The following ERCC6L2 variants were observed in gnomAD, a reference collection of about 807,000 sequenced individuals.
The protein encoded by ERCC6L2 is ERCC excision repair 6 like 2.
Under a neutral mutation model 132.0 loss-of-function variants are expected in ERCC6L2, and 77 were observed. That is an observed-to-expected ratio of 0.58 (90% CI 0.49 to 0.71). The LOEUF is 0.71. Ranked by LOEUF, ERCC6L2 falls within the 30% of genes least tolerant of loss-of-function variation. The pLI, the probability that ERCC6L2 is intolerant of heterozygous loss-of-function variation, is 0.00. For synonymous variants in ERCC6L2, 583 were observed against 632.4 expected (o/e 0.92, Z 1.17); for missense variants, 1,542 against 1,837.6 (o/e 0.84, Z 2.94).
intron 8 of ERCC6L2, 148 bp from the exon 9 acceptor site, chr9:95,923,112 T>C: frequency 1.2e-6 from 1 of 832,952 alleles, no homozygotes. Flanking sequence ...TTTAAGAGTT[T>C]TTGAATTCTT....
intron 19 of ERCC6L2, among the ~76,000 whole-genome samples, chr9:96,031,540 G>A (rs952447363): frequency 2.0e-5 from 3 of 152,188 alleles, no homozygotes; most frequent in Admixed American, 2.0e-4. Context: ...ATAATTTCCC[G>A]GCATCAGCAA....
intron 2 of ERCC6L2, 104 bp from the exon 3 acceptor site, chr9:95,897,745 T>C (rs553901568): frequency 8.6e-7 from 1 of 1,162,530 alleles, no homozygotes; most frequent in South Asian, 1.4e-5. Context: ...CCAACAAATC[T>C]CTTTGTACAT....
At chr9:95,911,412 T>C (rs1312405682) in intron 4 of ERCC6L2, among the ~76,000 whole-genome samples, 1 of 152,166 alleles carries the variant, frequency 6.6e-6, no homozygotes, top group African/African-American at 2.4e-5. Flanking sequence ...ATAAATGTTT[T>C]TTAGGTGACT....
chr9:95,932,943 A>C (rs1431836902), intron 11 of ERCC6L2, among the ~76,000 whole-genome samples: 1 of 152,208 alleles, frequency 6.6e-6, no homozygotes, highest in Non-Finnish European at 1.5e-5. Context: ...CAAGTTTTAA[A>C]GTTTAGGTTT....
rs1177462839 is a variant in ERCC6L2, at chr9:95,966,720, A to T, written c.2100+6A>T. On this transcript the variant is annotated splice_donor_region_variant and intron_variant, in intron 14 of 18. Transcript: ENST00000653738. ...TTACGAAGGACATCCTGGAGGTGTG[A>T]ACTTCTTCTCTGACCTTTTCAATAA... The T allele has an allele frequency of 7.0e-7, 1 of 1,434,868 alleles. No individual in the cohort carries two copies. The highest frequency in any genetic ancestry group is 9.3e-7 in the Non-Finnish European group (1 of 1,074,914). The allele number at this position is 1,434,868 out of a possible 1,614,324, so 88.9% of individuals were successfully genotyped here.
intron 16 of ERCC6L2, among the ~76,000 whole-genome samples, chr9:95,976,459 C>T (rs1018497498): frequency 1.3e-4 from 20 of 152,278 alleles, no homozygotes; most frequent in Admixed American, 6.5e-4. Flanking sequence ...AGCTGCTGTT[C>T]TCCAGCTGGC....
At chr9:96,008,160 TA>T (rs1833920541) in intron 18 of ERCC6L2, among the ~76,000 whole-genome samples, 4 of 152,190 alleles carry the variant, frequency 2.6e-5, no homozygotes, top group Admixed American at 2.0e-4. Flanking sequence ...TTTTTTTCCC[TA>T]AGTTTGCATG....
chr9:95,927,994 A>T, intron 9 of ERCC6L2, 85 bp from the exon 10 acceptor site: 1 of 885,140 alleles, frequency 1.1e-6, no homozygotes, highest in Non-Finnish European at 1.8e-6. Flanking sequence ...AAATAATTTT[A>T]AAGAAATTCT....
chr9:95,970,459 C>T (rs1832361301), intron 14 of ERCC6L2, 117 bp from the exon 15 acceptor site: 1 of 328,516 alleles, frequency 3.0e-6, no homozygotes, highest in Non-Finnish European at 5.3e-6. Flanking sequence ...CTAAAGCAAG[C>T]TGCATGCAAT....
At position 95,915,711 on chromosome 9, in the gene ERCC6L2, A is replaced by G; in HGVS notation, c.832A>G (p.Lys278Glu). 4.3e-6 allele frequency: 7 copies of G among 1,613,928 alleles called. No individual in the cohort carries two copies. Among genetic ancestry groups the G allele is most frequent in the Non-Finnish European group, 5.9e-6 (7 of 1,179,858 alleles). ...AVIVDEAHRI[K>E]NPKARVTEVM... ...CATTGTGGATGAAGCTCATAGAATC[A>G]AGAATCCAAAAGCTAGAGTAACAGA... Residue 278 changes from lysine (K) to glutamate (E), a missense_variant, in exon 5 of 19, where the codon AAG (lysine) becomes GAG (glutamate). Lys to Glu is a moderately conservative substitution (Grantham distance 56). Around this residue, in one of 4 missense-constraint regions of ERCC6L2, gnomAD observed 945 missense variants for 1,105.2 expected, o/e 0.86. Coordinates refer to ENST00000653738, the MANE Select transcript of ERCC6L2 (RefSeq NM_020207.7).
At chr9:95,900,657 A>C (rs1828726749) in intron 3 of ERCC6L2, among the ~76,000 whole-genome samples, 1 of 152,136 alleles carries the variant, frequency 6.6e-6, no homozygotes, top group Admixed American at 6.5e-5. Flanking sequence ...GATTACATCC[A>C]TGGATCAGTT....
chr9:95,919,021 A>G (rs1829735367), intron 6 of ERCC6L2, among the ~76,000 whole-genome samples: 1 of 152,202 alleles, frequency 6.6e-6, no homozygotes, highest in Admixed American at 6.5e-5. Flanking sequence ...GGCGCACGCC[A>G]CCATGCCCGG....
intron 11 of ERCC6L2, among the ~76,000 whole-genome samples, chr9:95,929,983 ACTG>A (rs1830267402): frequency 6.6e-6 from 1 of 152,174 alleles, no homozygotes; most frequent in Non-Finnish European, 1.5e-5. Context: ...TCTGTCAGAA[ACTG>A]CTATTTAACC....
At chr9:95,994,455 C>G (rs1833406460) in intron 17 of ERCC6L2, among the ~76,000 whole-genome samples, 1 of 152,186 alleles carries the variant, frequency 6.6e-6, no homozygotes, top group South Asian at 2.1e-4. Flanking sequence ...AGCTGTTTAG[C>G]ATGCACTGCT....
At chr9:95,880,803 C>A in intron 1 of ERCC6L2, 66 bp from the exon 2 acceptor site, 1 of 1,421,688 alleles carries the variant, frequency 7.0e-7, no homozygotes, top group Non-Finnish European at 9.5e-7. Context: ...TTTCTCACAG[C>A]TGTGAATAAA....
chr9:95,920,715 A>G (rs578228917), intron 6 of ERCC6L2, among the ~76,000 whole-genome samples: 2 of 152,362 alleles, frequency 1.3e-5, no homozygotes, highest in African/African-American at 4.8e-5. Flanking sequence ...AGCAAAGAAT[A>G]TAAGACAGTC....
intron 11 of ERCC6L2, among the ~76,000 whole-genome samples, chr9:95,940,165 G>T (rs1466241155): frequency 6.6e-6 from 1 of 152,152 alleles, no homozygotes; most frequent in African/African-American, 2.4e-5. Flanking sequence ...TTATAGCCAG[G>T]CAAGGGTAGA....
chr9:95,896,137 A>G (rs1828446554), intron 2 of ERCC6L2, among the ~76,000 whole-genome samples: 6 of 152,026 alleles, frequency 3.9e-5, no homozygotes, highest in Admixed American at 3.9e-4. Context: ...TGTGTCACCG[A>G]TCTTCTAACT....
intron 16 of ERCC6L2, among the ~76,000 whole-genome samples, chr9:95,975,997 T>C (rs1588010051): frequency 6.6e-6 from 1 of 152,312 alleles, no homozygotes; most frequent in Middle Eastern, 3.4e-3. Context: ...CACATTTTCA[T>C]TGAAGGGATA....
Sources: gnomAD v4.1 joint callset for allele counts (sites outside exome capture counted in the v4.1 genomes callset) on GRCh38, gnomAD v4.1.1 for gene constraint, gnomAD v4.1.1 regional missense constraint, MANE v1.5 for transcripts, NCBI Gene and HGNC (gene_info 2026-07-23, HGNC 2026-07-21) for gene names.